Variants in FAM135B observed in about 807,000 individuals in gnomAD.
FAM135B encodes the protein family with sequence similarity 135 member B, also known as protein FAM135B.
In FAM135B, 43 loss-of-function variants were observed where a neutral mutation model predicts 127.7. The ratio of observed to expected loss-of-function variants is 0.34; its 90% CI spans 0.26 to 0.43. The LOEUF (loss-of-function observed/expected upper bound fraction) is 0.43. Among genes scored for constraint, FAM135B ranks in the 20% least tolerant of loss-of-function variants. FAM135B has a pLI of 1.00. For missense variants in FAM135B, 1,558 were observed against 1,725.6 expected (o/e 0.90, Z 1.72); for synonymous variants, 670 against 665.1 (o/e 1.01, Z -0.11).
intron 2 of FAM135B, among the ~76,000 whole-genome samples, chr8:138,319,877 C>T (rs901389026): frequency 6.6e-6 from 1 of 152,122 alleles, no homozygotes; most frequent in African/African-American, 2.4e-5. Flanking sequence ...ATACTCAATG[C>T]AATCACAAGA....
chr8:138,384,374 A>G (rs1832054793), intron 1 of FAM135B, among the ~76,000 whole-genome samples: 2 of 151,868 alleles, frequency 1.3e-5, no homozygotes, highest in South Asian at 2.1e-4. Flanking sequence ...TTATTTATTT[A>G]TTTATTTATT....
chr8:138,143,609 C>A (rs1817404388), intron 15 of FAM135B, among the ~76,000 whole-genome samples: 1 of 152,072 alleles, frequency 6.6e-6, no homozygotes. Flanking sequence ...GTTGAAGGAT[C>A]CAGGAGATCA....
intron 2 of FAM135B, among the ~76,000 whole-genome samples, chr8:138,327,661 A>T (rs1827886089): frequency 6.6e-6 from 1 of 152,200 alleles, no homozygotes; most frequent in Non-Finnish European, 1.5e-5. Flanking sequence ...CAAGGCACCA[A>T]AACAGTGGCT....
chr8:138,175,249 C>A (rs4243886), intron 11 of FAM135B, among the ~76,000 whole-genome samples: 25 of 151,972 alleles, frequency 1.6e-4, no homozygotes, highest in Non-Finnish European at 3.5e-4. Flanking sequence ...TGGACTGGTC[C>A]CTACTGCCCT....
intron 19 of FAM135B, among the ~76,000 whole-genome samples, chr8:138,135,045 C>T (rs922816175): frequency 3.8e-4 from 58 of 152,132 alleles, no homozygotes; most frequent in African/African-American, 1.3e-3. Context: ...CTTTCCAGGA[C>T]GCGCAGTGTA....
At position 138,132,237 on chromosome 8, in the gene FAM135B, CG is replaced by C; in HGVS notation, c.*355del. 1 of 251,450 alleles carries C rather than the reference CG, an allele frequency of 4.0e-6. No individual in the cohort carries two copies. The highest frequency in any genetic ancestry group is 1.0e-4 in the East Asian group (1 of 9,850). The allele number at this position is 251,450 out of a possible 1,614,324, so 15.6% of individuals were successfully genotyped here. On this transcript the variant is annotated 3_prime_UTR_variant, in exon 20 of 20. Transcript: ENST00000395297. The surrounding 1 kb of genome is among the most constrained non-coding windows in gnomAD (Gnocchi z 4.5). The stretch of plus-strand genomic sequence containing the variant: ...TAAAGCTATAAGCTAGTAACATATT[CG>C]GCAAGTCTAGTTAAATTGGAGTAAT...
chr8:138,334,067 C>A (rs1828375977), intron 2 of FAM135B, among the ~76,000 whole-genome samples: 1 of 152,170 alleles, frequency 6.6e-6, no homozygotes, highest in South Asian at 2.1e-4. Flanking sequence ...GGATTACATG[C>A]ACACAACACT....
At chr8:138,465,268 T>G (rs747063081) in intron 1 of FAM135B, among the ~76,000 whole-genome samples, 7 of 152,224 alleles carry the variant, frequency 4.6e-5, no homozygotes, top group Non-Finnish European at 7.3e-5. Context: ...ATCATGGTCC[T>G]TTCCTAGTAG....
chr8:138,233,813 T>TCAA (rs55943030), intron 7 of FAM135B, among the ~76,000 whole-genome samples: 3 of 151,676 alleles, frequency 2.0e-5, no homozygotes, highest in East Asian at 1.9e-4. Context: ...CTCCTACAAT[T>TCAA]CAACAACAAC....
chr8:138,349,095 C>T (rs150286257), intron 2 of FAM135B, among the ~76,000 whole-genome samples: 118 of 152,340 alleles, frequency 7.7e-4, no homozygotes, highest in Non-Finnish European at 1.2e-3. Context: ...CTGGGACTTT[C>T]GTGGTCTTAG....
intron 11 of FAM135B, among the ~76,000 whole-genome samples, chr8:138,176,923 G>A (rs1814527191): frequency 6.6e-6 from 1 of 152,064 alleles, no homozygotes; most frequent in South Asian, 2.1e-4. Context: ...CAATTCATCA[G>A]CCCTCCTAAT....
intron 1 of FAM135B, among the ~76,000 whole-genome samples, chr8:138,429,684 A>T (rs1835091151): frequency 6.6e-6 from 1 of 152,300 alleles, no homozygotes; most frequent in Admixed American, 6.5e-5. Flanking sequence ...GTTTTGTCTT[A>T]AGCTGGGTTA....
At chr8:138,472,780 C>T (rs537261453) in intron 1 of FAM135B, among the ~76,000 whole-genome samples, 71 of 152,192 alleles carry the variant, frequency 4.7e-4, no homozygotes, top group Non-Finnish European at 7.1e-4. Context: ...GAGGGGAGTC[C>T]CACGTTTAGA....
intron 1 of FAM135B, among the ~76,000 whole-genome samples, chr8:138,456,785 T>C (rs1451323332): frequency 6.6e-6 from 1 of 152,142 alleles, no homozygotes; most frequent in African/African-American, 2.4e-5. Flanking sequence ...GACATTCATA[T>C]TGTAAGGGAA....
At chr8:138,257,429 A>G (rs575863427) in intron 4 of FAM135B, among the ~76,000 whole-genome samples, 1 of 152,274 alleles carries the variant, frequency 6.6e-6, no homozygotes, top group African/African-American at 2.4e-5. Context: ...ATGCTTTTTA[A>G]ACACAGGAAT....
intron 2 of FAM135B, among the ~76,000 whole-genome samples, chr8:138,327,617 C>G (rs929027603): frequency 1.3e-5 from 2 of 152,204 alleles, no homozygotes; most frequent in African/African-American, 4.8e-5. Flanking sequence ...TGCTGCTCAG[C>G]TATGCTCAAC....
At chr8:138,256,803 T>G in intron 4 of FAM135B, 44 bp from the exon 5 acceptor site, 1 of 1,504,176 alleles carries the variant, frequency 6.6e-7, no homozygotes, top group South Asian at 1.1e-5. Context: ...AGTCAAATCT[T>G]GTCCAAATGA....
intron 7 of FAM135B, among the ~76,000 whole-genome samples, chr8:138,217,805 A>C (rs1055250197): frequency 6.6e-6 from 1 of 152,170 alleles, no homozygotes; most frequent in Non-Finnish European, 1.5e-5. Context: ...ATCAGTGTTC[A>C]TGAACTACCT....
At chr8:138,177,246 T>G (rs935617235) in intron 11 of FAM135B, 101 bp downstream of exon 11, 2 of 1,120,428 alleles carry the variant, frequency 1.8e-6, no homozygotes, top group African/African-American at 3.1e-5. Flanking sequence ...GTGGGCAGAC[T>G]TCTCTCCTTC....
Sources: allele counts gnomAD v4.1 joint callset (sites outside exome capture counted in the v4.1 genomes callset), GRCh38; gene constraint gnomAD v4.1.1; non-coding constraint Gnocchi (gnomAD v3.1); transcripts MANE v1.5; gene names NCBI Gene and HGNC (gene_info 2026-07-23, HGNC 2026-07-21).